Variants in SOS1 observed in about 807,000 individuals in gnomAD.
SOS1 encodes SOS Ras/Rac guanine nucleotide exchange factor 1.
In SOS1, 25 loss-of-function variants were observed where a neutral mutation model predicts 157.6. That is an observed-to-expected ratio of 0.16 (90% CI 0.12 to 0.22). The LOEUF (loss-of-function observed/expected upper bound fraction) is 0.22, where lower values mean the gene tolerates loss of function less well. Ranked by LOEUF, SOS1 falls within the 10% of genes least tolerant of loss-of-function variation. SOS1 has a pLI of 1.00. For missense variants in SOS1, 1,237 were observed against 1,599.1 expected, an observed-to-expected ratio of 0.77 and a Z score of 3.86; for synonymous variants, 528 against 534.0, an observed-to-expected ratio of 0.99 and a Z score of 0.16.
At chr2:39,065,998 T>C (rs1464467908) in intron 2 of SOS1, among the ~76,000 whole-genome samples, 2 of 152,208 alleles carry the variant, frequency 1.3e-5, no homozygotes, top group African/African-American at 4.8e-5. Context: ...TCAGCTATTA[T>C]CACATTTCAC....
In SOS1 at chr2:39,056,537, C is replaced by T. The variant is rs111867740; in HGVS notation, c.510+165G>A. ...TTAAACACATTTTAATATTATATAT[C>T]TAATGTCTTATTTCTATAAAGTGGT... On this transcript the variant is annotated intron_variant, in intron 4 of 22. Transcript: ENST00000402219. Among the ~76,000 whole-genome samples, 1,103 of 152,218 alleles carry T rather than the reference C, an allele frequency of 7.2e-3. 11 individuals carry two copies. The highest frequency in any genetic ancestry group is 0.026 in the African/African-American group (1,060 of 41,538).
At chr2:39,013,724 T>A in intron 12 of SOS1, 143 bp downstream of exon 12, 1 of 886,818 alleles carries the variant, frequency 1.1e-6, no homozygotes. Flanking sequence ...ATACTATAAT[T>A]TCTGATAACT....
intron 1 of SOS1, among the ~76,000 whole-genome samples, chr2:39,090,295 TCCAAC>T (rs1363991289): frequency 6.6e-6 from 1 of 152,182 alleles, no homozygotes; most frequent in Non-Finnish European, 1.5e-5. Flanking sequence ...AAATGTCTGA[TCCAAC>T]TTTTTCCTCT....
Position 38,995,152 on chromosome 2 carries a change from T to G in SOS1, c.3317A>C (p.Asp1106Ala). The G allele has an allele frequency of 6.2e-7, 1 of 1,614,026 alleles. No individual in the cohort carries two copies. The change falls in exon 20 of 23, where the codon GAT (aspartate) becomes GCT (alanine). Residue 1106 changes from aspartate (D) to alanine (A), a missense_variant. This residue lies in a region of SOS1 where 306 missense variants were observed against 322.6 expected (regional missense o/e 0.95). Coordinates refer to ENST00000402219, the MANE Select transcript of SOS1 (RefSeq NM_005633.4). ...GTGAAAAGGGCTCGAATGATCGGAA[T>G]CAAATACACTGCAAACATCTGTGGT... ...SSTTDVCSVF[D>A]SDHSSPFHSS...
At chr2:39,029,270 T>C (rs757990907) in intron 8 of SOS1, among the ~76,000 whole-genome samples, 3 of 152,234 alleles carry the variant, frequency 2.0e-5, no homozygotes, top group Admixed American at 1.3e-4. Context: ...ACCACCTCTC[T>C]GTTCTAATCA....
At chr2:39,022,511 G>T in intron 10 of SOS1, 59 bp downstream of exon 10, 1 of 1,366,832 alleles carries the variant, frequency 7.3e-7, no homozygotes, top group Non-Finnish European at 1.0e-6. Flanking sequence ...ACCCATGCAG[G>T]AAAGAAAATC....
rs771185305 is a variant in SOS1, at chr2:39,035,235, G to A, written c.1051C>T (p.Leu351Phe). Residue 351 changes from leucine to phenylalanine, a missense_variant, in exon 8 of 23, where the codon CTC becomes TTC. Coordinates refer to ENST00000402219, the MANE Select transcript of SOS1 (RefSeq NM_005633.4). ...RLLLAPVYHC[L>F]HYFELLKQLE... ...ACCTTCAAAAGTTCAAAGTAATGGA[G>A]ACAGTGGTAAACAGGGGCCAGAAGC... The A allele has an allele frequency of 6.2e-7, 1 of 1,612,286 alleles. No individual in the cohort carries two copies. The highest frequency in any genetic ancestry group is 1.7e-5 in the Admixed American group (1 of 59,998).
At chr2:39,101,901 T>C (rs1672979785) in intron 1 of SOS1, among the ~76,000 whole-genome samples, 1 of 152,088 alleles carries the variant, frequency 6.6e-6, no homozygotes, top group Non-Finnish European at 1.5e-5. Flanking sequence ...TTTGATTCTT[T>C]TTTTAATTAA....
intron 1 of SOS1, among the ~76,000 whole-genome samples, chr2:39,072,834 A>G (rs1276711671): frequency 1.3e-5 from 2 of 152,174 alleles, no homozygotes; most frequent in Non-Finnish European, 2.9e-5. Context: ...TCATCCATGT[A>G]TTTAAGAGAT....
At chr2:39,034,732 A>G in intron 8 of SOS1, 1 of 452,766 alleles carries the variant, frequency 2.2e-6, no homozygotes, top group Non-Finnish European at 4.4e-6. Flanking sequence ...TTTAATACAG[A>G]TAGTTGCAAA....
chr2:39,002,168 A>G (rs955003752), intron 17 of SOS1, among the ~76,000 whole-genome samples: 1 of 152,112 alleles, frequency 6.6e-6, no homozygotes, highest in Non-Finnish European at 1.5e-5. Flanking sequence ...TCTAGTAAAA[A>G]TACAAAAATT....
At position 39,110,108 on chromosome 2, in the gene SOS1, C is replaced by T. The variant is rs114133230; in HGVS notation, c.87+10228G>A. Among the ~76,000 whole-genome samples, 1,233 of 149,718 alleles carry T rather than the reference C, an allele frequency of 8.2e-3. 18 individuals are homozygous for T. The highest frequency in any genetic ancestry group is 0.03 in the African/African-American group (1,184 of 39,794). On this transcript the variant is annotated intron_variant, in intron 1 of 22. Coordinates refer to ENST00000402219, the MANE Select transcript of SOS1 (RefSeq NM_005633.4). ...TGCATGTATGTATATAGTCATCCCT[C>T]GGTATCCATGGGGGATTGGTTCCAG...
rs149696303 is a variant in SOS1 at position 39,026,446 on chromosome 2, C to G, written c.1075-2309G>C. 3.5e-3 allele frequency among the ~76,000 whole-genome samples: 528 copies of G among 151,788 alleles called. 2 individuals carry two copies. The highest frequency in any genetic ancestry group is 0.012 in the African/African-American group (503 of 41,312). Reference sequence around the variant, plus strand: ...AAGATATTTTCCAAAGGATAAGAGACTTTAAAAGTGTACATATTAATACAA... The same window carrying G: ...AAGATATTTTCCAAAGGATAAGAGAGTTTAAAAGTGTACATATTAATACAA... On this transcript the variant is annotated intron_variant, in intron 8 of 22. Coordinates refer to ENST00000402219, the MANE Select transcript of SOS1 (RefSeq NM_005633.4).
intron 2 of SOS1, among the ~76,000 whole-genome samples, chr2:39,061,249 TAAAAAA>T (rs68086036): frequency 1.5e-3 from 175 of 117,430 alleles, no homozygotes; most frequent in African/African-American, 5.2e-3. Context: ...TTCGTAGGGT[TAAAAAA>T]AAAAAAAAAA....
At position 39,054,642 on chromosome 2, in the gene SOS1, A is replaced by G. The variant is rs775942839; in HGVS notation, c.692T>C (p.Val231Ala). 3 of 1,579,910 alleles carry G rather than the reference A, an allele frequency of 1.9e-6. No individual in the cohort carries two copies. Among genetic ancestry groups the G allele is most frequent in the Non-Finnish European group, 1.7e-6 (2 of 1,149,422 alleles). Residue 231 changes from valine (V) to alanine (A), a missense_variant, in exon 5 of 23, where the codon GTC (valine) becomes GCC (alanine). Val to Ala is a moderately conservative substitution (Grantham distance 64). Coordinates refer to ENST00000402219, the MANE Select transcript of SOS1 (RefSeq NM_005633.4). ...AGCTGAAAACAATTTTGAATTGGAGACAAAGGGCTCTCTAAAAACTTTTAT... is the reference window on the plus strand; with the variant it reads ...AGCTGAAAACAATTTTGAATTGGAGGCAAAGGGCTCTCTAAAAACTTTTAT... The part of the protein sequence containing the change: ...LIIKVFREPF[V>A]SNSKLFSAND...
In SOS1 at chr2:38,983,339, G is replaced by A. The variant is rs1299352222; in HGVS notation, c.*2485C>T. On this transcript the variant is annotated 3_prime_UTR_variant, in exon 23 of 23. Transcript: ENST00000402219. ...TGCCATTTTCTCACCTCCACCTAAG[G>A]GCATCCAATTGGCATTTTTCTAATC... 2 of 151,914 alleles carry A rather than the reference G, an allele frequency of 1.3e-5. No homozygotes were observed. Among genetic ancestry groups the A allele is most frequent in the African/African-American group, 4.8e-5 (2 of 41,362 alleles). The allele number at this position is 151,914 out of a possible 1,614,324, so 9.4% of individuals were successfully genotyped here.
intron 8 of SOS1, chr2:39,034,828 C>A (rs764949311): frequency 2.2e-6 from 1 of 458,392 alleles, no homozygotes; most frequent in South Asian, 1.5e-5. Context: ...CACACTGAGT[C>A]CCTGAGTCTG....
At chr2:39,092,890 T>C (rs1470110229) in intron 1 of SOS1, among the ~76,000 whole-genome samples, 1 of 152,200 alleles carries the variant, frequency 6.6e-6, no homozygotes, top group African/African-American at 2.4e-5. Flanking sequence ...TTCATAATAC[T>C]TAAATTCCCA....
chr2:39,007,591 A>T (rs574592090), intron 15 of SOS1: 1 of 176,512 alleles, frequency 5.7e-6, no homozygotes, highest in South Asian at 1.4e-4. Flanking sequence ...TTAGTGATTA[A>T]TGCTCAATTT....
Sources: allele counts gnomAD v4.1 joint callset (sites outside exome capture counted in the v4.1 genomes callset), GRCh38; gene constraint gnomAD v4.1.1; regional missense constraint gnomAD v4.1.1; transcripts MANE v1.5; gene names NCBI Gene and HGNC (gene_info 2026-07-23, HGNC 2026-07-21).